Variants in CADM2 observed in about 807,000 individuals in gnomAD.
The protein encoded by CADM2 is cell adhesion molecule 2.
A neutral mutation model predicts 49.8 loss-of-function variants in CADM2; 12 were observed. The observed-to-expected ratio is 0.24, with a 90% CI of 0.15 to 0.39. The LOEUF is 0.39. CADM2 is among the 10% of genes least tolerant of loss of function. The pLI, the probability that CADM2 is intolerant of heterozygous loss-of-function variation, is 1.00. For missense variants in CADM2, 378 were observed against 492.3 expected (o/e 0.77, Z 2.20); for synonymous variants, 214 against 175.4 (o/e 1.22, Z -1.74).
intron 8 of CADM2, among the ~76,000 whole-genome samples, chr3:85,985,781 T>TA (rs113545100): frequency 0.065 from 9,836 of 151,130 alleles, 839 homozygotes; most frequent in African/African-American, 0.19. Flanking sequence ...TAGTGACTTG[T>TA]AAAAAAAAAT....
chr3:85,504,528 G>A (rs185049814), intron 1 of CADM2, among the ~76,000 whole-genome samples: 5 of 152,314 alleles, frequency 3.3e-5, no homozygotes, highest in Admixed American at 3.3e-4. Flanking sequence ...TTTTGACAGG[G>A]CGCTGATTGG....
intron 1 of CADM2, among the ~76,000 whole-genome samples, chr3:85,086,239 G>T (rs571314294): frequency 6.6e-6 from 1 of 151,906 alleles, no homozygotes; most frequent in Admixed American, 6.6e-5. Flanking sequence ...ATAAGAGTAC[G>T]TTAAATTTTT....
chr3:85,390,606 C>A (rs2107393968), intron 1 of CADM2, among the ~76,000 whole-genome samples: 1 of 152,074 alleles, frequency 6.6e-6, no homozygotes, highest in South Asian at 2.1e-4. Context: ...TAATATTTTC[C>A]TCTAGGTTTA....
chr3:85,767,231 C>T (rs2069703764), intron 2 of CADM2, among the ~76,000 whole-genome samples: 1 of 152,112 alleles, frequency 6.6e-6, no homozygotes. Context: ...TACCATGATG[C>T]ACACCTAACC....
intron 1 of CADM2, among the ~76,000 whole-genome samples, chr3:85,707,383 A>T: frequency 7.1e-6 from 1 of 140,216 alleles, no homozygotes; most frequent in African/African-American, 2.6e-5. Flanking sequence ...GGAAGACTAT[A>T]TCATTGTATC....
intron 2 of CADM2, among the ~76,000 whole-genome samples, chr3:85,753,128 C>T (rs1276200755): frequency 2.0e-5 from 3 of 152,072 alleles, no homozygotes; most frequent in East Asian, 1.9e-4. Flanking sequence ...CAACTGTGCT[C>T]CCAGGGATAT....
chr3:85,548,306 G>A lies in CADM2; in HGVS notation c.62-178216G>A, dbSNP rs2061715854. 4.4e-5 allele frequency among the ~76,000 whole-genome samples: 3 copies of A among 67,842 alleles called. No individual in the cohort carries two copies. The Admixed American group carries it at 5.6e-4, about 13-fold the overall frequency. The allele number at this position is 67,842 out of a possible 152,430, so 44.5% of individuals were successfully genotyped here. Reference sequence around the variant, plus strand: ...TCAACTTATTTCACGTTCTTTCATTGGGCTTGAGCTCTGTCATGTTATGAC... The same window carrying A: ...TCAACTTATTTCACGTTCTTTCATTAGGCTTGAGCTCTGTCATGTTATGAC... On this transcript the variant is annotated intron_variant, in intron 1 of 9. Transcript: ENST00000383699.
At chr3:85,026,709 A>G (rs2034744121) in intron 1 of CADM2, among the ~76,000 whole-genome samples, 1 of 152,224 alleles carries the variant, frequency 6.6e-6, no homozygotes, top group Non-Finnish European at 1.5e-5. Flanking sequence ...AATTGAATAT[A>G]GAAGTTACCC....
chr3:85,463,780 G>T (rs1449518141), intron 1 of CADM2, among the ~76,000 whole-genome samples: 1 of 151,872 alleles, frequency 6.6e-6, no homozygotes, highest in African/African-American at 2.4e-5. Context: ...ATATTGTTTC[G>T]CTCATTTTCT....
At chr3:85,445,488 T>G (rs1312766650) in intron 1 of CADM2, among the ~76,000 whole-genome samples, 1 of 152,078 alleles carries the variant, frequency 6.6e-6, no homozygotes, top group African/African-American at 2.4e-5. Context: ...TATTATAATA[T>G]GTACATTTAT....
At chr3:85,856,647 G>A (rs1292809248) in intron 3 of CADM2, among the ~76,000 whole-genome samples, 1 of 152,116 alleles carries the variant, frequency 6.6e-6, no homozygotes, top group Non-Finnish European at 1.5e-5. Context: ...ATGGTAAAAT[G>A]CAAAATGATC....
chr3:85,205,567 C>G (rs1431936019), intron 1 of CADM2, among the ~76,000 whole-genome samples: 2 of 151,128 alleles, frequency 1.3e-5, no homozygotes, highest in Non-Finnish European at 3.0e-5. Flanking sequence ...TCAAAATATG[C>G]CATAATTTTA....
chr3:85,965,311 G>A (rs1725341153), intron 8 of CADM2, among the ~76,000 whole-genome samples: 1 of 141,368 alleles, frequency 7.1e-6, no homozygotes, highest in South Asian at 2.3e-4. Flanking sequence ...TAAATATTAT[G>A]ATAAATATTA....
At chr3:85,586,862 A>G (rs1205406589) in intron 1 of CADM2, among the ~76,000 whole-genome samples, 2 of 152,102 alleles carry the variant, frequency 1.3e-5, no homozygotes, top group South Asian at 2.1e-4. Flanking sequence ...CCCACATTCT[A>G]GTGAGTAGGC....
chr3:84,971,217 A>G (rs2031407727), intron 1 of CADM2, among the ~76,000 whole-genome samples: 1 of 152,154 alleles, frequency 6.6e-6, no homozygotes, highest in Admixed American at 6.6e-5. Context: ...GCACAAAATT[A>G]AAAACAATAT....
At chr3:85,344,889 A>T (rs2030411419) in intron 1 of CADM2, among the ~76,000 whole-genome samples, 1 of 152,192 alleles carries the variant, frequency 6.6e-6, no homozygotes, top group African/African-American at 2.4e-5. Context: ...AAATAACCTA[A>T]GAACCTGGTA....
rs181121720 is a variant in CADM2, at chr3:85,647,793, G to A, written c.62-78729G>A. Among the ~76,000 whole-genome samples the A allele has an allele frequency of 4.6e-5, 7 of 151,650 alleles. No homozygotes were observed. The East Asian group carries it at 9.7e-4, about 21-fold the overall frequency. On this transcript the variant is annotated intron_variant, in intron 1 of 9. Transcript: ENST00000383699. ...AAAAAAATGAAAACTACAAAACCAC[G>A]TAGATATCCATTCACTAATTTCATA...
chr3:85,116,621 G>A (rs1000784691), intron 1 of CADM2, among the ~76,000 whole-genome samples: 2 of 151,904 alleles, frequency 1.3e-5, no homozygotes, highest in African/African-American at 2.4e-5. Flanking sequence ...TGAAATTAAA[G>A]CAATTTTATT....
At chr3:85,290,233 G>T (rs1322517932) in intron 1 of CADM2, among the ~76,000 whole-genome samples, 1 of 152,160 alleles carries the variant, frequency 6.6e-6, no homozygotes, top group Non-Finnish European at 1.5e-5. Flanking sequence ...TTTCCGATCG[G>T]CTTAAAAAAT....
Sources: gnomAD v4.1 joint callset for allele counts (sites outside exome capture counted in the v4.1 genomes callset) on GRCh38, gnomAD v4.1.1 for gene constraint, MANE v1.5 for transcripts, NCBI Gene and HGNC (gene_info 2026-07-23, HGNC 2026-07-21) for gene names.